CNTN5: variants seen among roughly 807,000 people sequenced by gnomAD.
CNTN5 encodes the protein contactin 5.
Under a neutral mutation model 129.1 loss-of-function variants are expected in CNTN5, and 77 were observed. That is an observed-to-expected ratio of 0.60 (90% CI 0.50 to 0.72). The LOEUF (loss-of-function observed/expected upper bound fraction) is 0.72, where lower values mean the gene tolerates loss of function less well. Ranked by LOEUF, CNTN5 falls within the 30% of genes least tolerant of loss-of-function variation. The probability of loss-of-function intolerance (pLI) is 0.00; values close to 1 mark genes in which losing one functional copy is unlikely to be tolerated. For synonymous variants in CNTN5, 509 were observed against 465.6 expected, an observed-to-expected ratio of 1.09 and a Z score of -1.20; for missense variants, 1,478 against 1,328.8, an observed-to-expected ratio of 1.11 and a Z score of -1.75.
intron 2 of CNTN5, among the ~76,000 whole-genome samples, chr11:99,520,252 G>A (rs1310492674): frequency 6.6e-6 from 1 of 152,020 alleles, no homozygotes; most frequent in Non-Finnish European, 1.5e-5. Flanking sequence ...AAGTAGCTTA[G>A]AAAACATCTA....
intron 13 of CNTN5, among the ~76,000 whole-genome samples, chr11:100,162,021 G>C (rs1947472606): frequency 6.6e-6 from 1 of 151,672 alleles, no homozygotes; most frequent in Non-Finnish European, 1.5e-5. Flanking sequence ...CTATGGAGGA[G>C]TGAGGCCAGC....
chr11:99,845,206 T>C lies in CNTN5; in HGVS notation c.521T>C (p.Leu174Ser). The C allele has an allele frequency of 6.2e-7, 1 of 1,613,588 alleles. No individual in the cohort carries two copies. ...EAKDSGHYQC[L>S]ATNTVGSILS... ...AAGGATTCTGGTCATTATCAGTGTT[T>C]AGCAACCAACACTGTGGGGAGTATT... Residue 174 changes from leucine (L) to serine (S), a missense_variant, in exon 6 of 25, where the codon TTA (leucine) becomes TCA (serine). Transcript: ENST00000524871.
At position 99,119,575 on chromosome 11, in the gene CNTN5, G is replaced by A. The variant is rs930988235; in HGVS notation, c.-210+98305G>A. On this transcript the variant is annotated intron_variant, in intron 1 of 24. Transcript: ENST00000524871. ...AGTTTGATTCCATGTCTTTGCTATTGTATCTAGTGCTGCAATGAACATACG... is the reference window on the plus strand; with the variant it reads ...AGTTTGATTCCATGTCTTTGCTATTATATCTAGTGCTGCAATGAACATACG... Among the ~76,000 whole-genome samples, 3 of 152,098 alleles carry A rather than the reference G, an allele frequency of 2.0e-5. No homozygotes were observed. The East Asian group carries it at 5.8e-4, about 29-fold the overall frequency.
intron 8 of CNTN5, among the ~76,000 whole-genome samples, chr11:99,970,076 C>T (rs1364365315): frequency 6.6e-6 from 1 of 152,140 alleles, no homozygotes; most frequent in Non-Finnish European, 1.5e-5. Context: ...ATCTCATGAT[C>T]ACTTATGCCA....
intron 3 of CNTN5, among the ~76,000 whole-genome samples, chr11:99,755,176 C>T (rs1334608566): frequency 6.6e-6 from 1 of 152,120 alleles, no homozygotes; most frequent in East Asian, 1.9e-4. Flanking sequence ...ATGAATGAAA[C>T]TGTTATAAAC....
chr11:99,035,910 A>T (rs917541314), intron 1 of CNTN5, among the ~76,000 whole-genome samples: 1 of 146,834 alleles, frequency 6.8e-6, no homozygotes, highest in African/African-American at 2.5e-5. Context: ...GGCTGGTACC[A>T]GTTGTTCCTT....
At chr11:99,900,573 T>C (rs1352387060) in intron 6 of CNTN5, among the ~76,000 whole-genome samples, 1 of 150,930 alleles carries the variant, frequency 6.6e-6, no homozygotes, top group African/African-American at 2.4e-5. Flanking sequence ...TGACTTGATG[T>C]TGTTGTTTAA....
intron 13 of CNTN5, among the ~76,000 whole-genome samples, chr11:100,086,819 G>A (rs1363875038): frequency 6.6e-6 from 1 of 151,198 alleles, no homozygotes; most frequent in Non-Finnish European, 1.5e-5. Context: ...TATAAAAATA[G>A]TATAAAATTT....
intron 3 of CNTN5, among the ~76,000 whole-genome samples, chr11:99,754,899 A>T (rs1314994003): frequency 6.6e-6 from 1 of 152,204 alleles, no homozygotes; most frequent in African/African-American, 2.4e-5. Flanking sequence ...CCTTAAAAAT[A>T]TTCTATACTG....
chr11:99,105,158 G>A (rs1866936327), intron 1 of CNTN5, among the ~76,000 whole-genome samples: 1 of 152,154 alleles, frequency 6.6e-6, no homozygotes, highest in Non-Finnish European at 1.5e-5. Flanking sequence ...AGACGTGAGT[G>A]TAGTTGTCAG....
chr11:99,624,313 T>C (rs753163746), intron 3 of CNTN5, among the ~76,000 whole-genome samples: 3 of 152,120 alleles, frequency 2.0e-5, no homozygotes, highest in Non-Finnish European at 2.9e-5. Context: ...ACGGCCTGTA[T>C]TAAAGGATTA....
rs551284021 is a variant in CNTN5, at chr11:99,828,368, C to T, written c.277+8603C>T. On this transcript the variant is annotated intron_variant, in intron 4 of 24. Coordinates refer to ENST00000524871, the MANE Select transcript of CNTN5 (RefSeq NM_014361.4). The stretch of plus-strand genomic sequence containing the variant: ...ATGTGTTGGCTCACAATTCTGGAGG[C>T]AGAGAAGTCTGATACAAAGTGCTAG... 3.9e-5 allele frequency among the ~76,000 whole-genome samples: 6 copies of T among 152,172 alleles called. 1 individual carries two copies. The highest frequency in any genetic ancestry group is 1.4e-4 in the African/African-American group (6 of 41,520).
intron 1 of CNTN5, among the ~76,000 whole-genome samples, chr11:99,087,721 G>A (rs544182903): frequency 6.6e-6 from 1 of 152,314 alleles, no homozygotes; most frequent in South Asian, 2.1e-4. Context: ...ATTAGCAGAA[G>A]TGAATTCAAT....
intron 2 of CNTN5, among the ~76,000 whole-genome samples, chr11:99,329,166 A>G (rs549955728): frequency 6.6e-6 from 1 of 152,260 alleles, no homozygotes; most frequent in South Asian, 2.1e-4. Context: ...AAGAAAACTG[A>G]ATTTGCCCAA....
At chr11:99,502,518 A>G (rs1388851679) in intron 2 of CNTN5, among the ~76,000 whole-genome samples, 2 of 152,016 alleles carry the variant, frequency 1.3e-5, no homozygotes, top group Non-Finnish European at 1.5e-5. Context: ...TTTGCTTGGC[A>G]CTTCTTTCTG....
At chr11:99,793,090 C>A (rs1945809395) in intron 3 of CNTN5, among the ~76,000 whole-genome samples, 1 of 151,138 alleles carries the variant, frequency 6.6e-6, no homozygotes, top group Admixed American at 6.6e-5. Flanking sequence ...GACACAGTCT[C>A]ACTCTGTCGC....
intron 6 of CNTN5, among the ~76,000 whole-genome samples, chr11:99,898,204 G>GA (rs1949259710): frequency 6.6e-6 from 1 of 151,610 alleles, no homozygotes; most frequent in South Asian, 2.1e-4. Context: ...TGTAGCAGAA[G>GA]AAAAAATACT....
At chr11:99,446,820 C>T (rs1471346577) in intron 2 of CNTN5, among the ~76,000 whole-genome samples, 3 of 152,200 alleles carry the variant, frequency 2.0e-5, no homozygotes, top group Non-Finnish European at 4.4e-5. Flanking sequence ...TAGTCCTCCT[C>T]ATAAGGTTGA....
chr11:99,971,015 C>A (rs1299924746), intron 8 of CNTN5, among the ~76,000 whole-genome samples: 1 of 152,152 alleles, frequency 6.6e-6, no homozygotes, highest in Non-Finnish European at 1.5e-5. Flanking sequence ...TAGTTACTTA[C>A]AATAAACTGG....
Sources: gnomAD v4.1 joint callset for allele counts (sites outside exome capture counted in the v4.1 genomes callset) on GRCh38, gnomAD v4.1.1 for gene constraint, MANE v1.5 for transcripts, NCBI Gene and HGNC (gene_info 2026-07-23, HGNC 2026-07-21) for gene names.